Variants in ACTN2 observed in about 807,000 individuals in gnomAD.
The protein encoded by ACTN2 is alpha-actinin-2.
ACTN2 carries 39 observed loss-of-function variants against 113.8 expected under a neutral mutation model. That is an observed-to-expected ratio of 0.34 (90% CI 0.27 to 0.45). The LOEUF is 0.45. Ranked by LOEUF, ACTN2 falls within the 20% of genes least tolerant of loss-of-function variation. ACTN2 has a pLI of 1.00. For missense variants in ACTN2, 992 were observed against 1,177.9 expected (o/e 0.84, Z 2.31); for synonymous variants, 429 against 444.1 (o/e 0.97, Z 0.43).
intron 8 of ACTN2, chr1:236,736,526 A>G: frequency 1.5e-6 from 2 of 1,358,860 alleles, no homozygotes; most frequent in South Asian, 2.5e-5. Flanking sequence ...ATGACAGAGA[A>G]TTGTGTATTA....
At chr1:236,706,392 G>A (rs1657825154) in intron 1 of ACTN2, among the ~76,000 whole-genome samples, 1 of 152,144 alleles carries the variant, frequency 6.6e-6, no homozygotes, top group South Asian at 2.1e-4. Context: ...CTGCTTCTCT[G>A]TGTGTCACTT....
In ACTN2 at chr1:236,759,787, C is replaced by G; in HGVS notation, c.2365C>G (p.Leu789Val). ...RACLISMGYD[L>V]GEAEFARIMT... is the part of the protein sequence containing the mutation. ...CTGCCTGATTTCCATGGGTTATGAC[C>G]TGGTAAGACAGAAGTTGAAATTGTA... Residue 789 changes from leucine to valine, a missense_variant and splice_region_variant, in exon 19 of 21, where the codon CTG (leucine) becomes GTG (valine). Around this residue, in one of 3 missense-constraint regions of ACTN2, gnomAD observed 736 missense variants for 815.4 expected, o/e 0.90. Transcript: ENST00000366578. 1 of 1,612,504 alleles carries G rather than the reference C, an allele frequency of 6.2e-7. No individual in the cohort carries two copies. The highest frequency in any genetic ancestry group is 1.1e-5 in the South Asian group (1 of 91,042).
At chr1:236,688,592 A>G (rs182591724) in intron 1 of ACTN2, among the ~76,000 whole-genome samples, 161 of 152,360 alleles carry the variant, frequency 1.1e-3, no homozygotes, top group African/African-American at 3.2e-3. Context: ...TAAAAATAAC[A>G]TACTTCCTGA....
At chr1:236,690,449 G>A (rs1403156641) in intron 1 of ACTN2, among the ~76,000 whole-genome samples, 1 of 152,194 alleles carries the variant, frequency 6.6e-6, no homozygotes, top group African/African-American at 2.4e-5. Flanking sequence ...CAGATGAGTC[G>A]AAGCTCTGCC....
rs1240708380 is a variant in ACTN2 at position 236,751,622 on chromosome 1, C to T, written c.1809C>T (p.Thr603=). Reference sequence around the variant, plus strand: ...CAAGCAACCCGTACAGCACTGTCACCATGGATGAGCTCCGGACCAAGTGGG... The same window carrying T: ...CAAGCAACCCGTACAGCACTGTCACTATGGATGAGCTCCGGACCAAGTGGG... ...ISSSNPYSTV[T]MDELRTKWDK... is the part of the protein sequence containing the mutation. The change falls in exon 15 of 21, where the codon ACC becomes ACT. Residue 603 remains threonine (T), a synonymous_variant. Coordinates refer to ENST00000366578, the MANE Select transcript of ACTN2 (RefSeq NM_001103.4). 1.2e-6 allele frequency: 2 copies of T among 1,613,856 alleles called. No individual in the cohort carries two copies. Among genetic ancestry groups the T allele is most frequent in the African/African-American group, 1.3e-5 (1 of 74,904 alleles).
At chr1:236,737,010 C>T (rs1658897838) in intron 8 of ACTN2, 112 bp from the exon 9 acceptor site, 1 of 822,626 alleles carries the variant, frequency 1.2e-6, no homozygotes, top group Non-Finnish European at 2.0e-6. Context: ...AGACTCTGCA[C>T]CGTCTACAGC....
Position 236,686,608 on chromosome 1 carries a change from G to A in ACTN2, c.-66G>A, listed in dbSNP as rs1471004820. The A allele has an allele frequency of 1.3e-6, 2 of 1,490,990 alleles. No individual in the cohort carries two copies. The highest frequency in any genetic ancestry group is 2.6e-5 in the South Asian group (2 of 76,300). The allele number at this position is 1,490,990 out of a possible 1,614,324, so 92.4% of individuals were successfully genotyped here. A position where few individuals can be genotyped will look rare whatever the true frequency, so the allele number is the denominator to read the frequency against. ...CGCCGCCCGCCGCCTCCGTGGGTCCGTTTGCCAGTCAGCCCGTGCGTCCGA... is the reference window on the plus strand; with the variant it reads ...CGCCGCCCGCCGCCTCCGTGGGTCCATTTGCCAGTCAGCCCGTGCGTCCGA... On this transcript the variant is annotated 5_prime_UTR_variant, in exon 1 of 21. Transcript: ENST00000366578.
chr1:236,721,195 T>A (rs112967359), intron 4 of ACTN2, among the ~76,000 whole-genome samples: 5,674 of 151,240 alleles, frequency 0.038, 311 homozygotes, highest in African/African-American at 0.12. Flanking sequence ...GCTGGCTAAT[T>A]TTTCATATTT....
intron 1 of ACTN2, among the ~76,000 whole-genome samples, chr1:236,700,656 AG>A (rs1657646381): frequency 6.6e-6 from 1 of 152,154 alleles, no homozygotes; most frequent in African/African-American, 2.4e-5. Flanking sequence ...TTGAGACAGG[AG>A]GTGGGAACAA....
At chr1:236,732,814 C>T (rs1331496333) in intron 7 of ACTN2, among the ~76,000 whole-genome samples, 1 of 152,160 alleles carries the variant, frequency 6.6e-6, no homozygotes, top group African/African-American at 2.4e-5. Flanking sequence ...ATGACCACAT[C>T]CTCACTTGAT....
At chr1:236,688,593 T>C (rs1327888662) in intron 1 of ACTN2, among the ~76,000 whole-genome samples, 1 of 152,246 alleles carries the variant, frequency 6.6e-6, no homozygotes, top group Non-Finnish European at 1.5e-5. Context: ...AAAAATAACA[T>C]ACTTCCTGAT....
chr1:236,696,298 A>G (rs1657500180), intron 1 of ACTN2, among the ~76,000 whole-genome samples: 1 of 143,608 alleles, frequency 7.0e-6, no homozygotes, highest in Non-Finnish European at 1.5e-5. Flanking sequence ...AGCTTCGGTG[A>G]CAGAAGAAGA....
At chr1:236,743,084 AGTT>A (rs1246019945) in intron 11 of ACTN2, 41 bp downstream of exon 11, 1 of 1,611,658 alleles carries the variant, frequency 6.2e-7, no homozygotes, top group East Asian at 2.2e-5. Flanking sequence ...GAAAAACCAG[AGTT>A]GAGCCATGCC....
At chr1:236,723,429 T>C (rs1203893480) in intron 4 of ACTN2, among the ~76,000 whole-genome samples, 1 of 152,144 alleles carries the variant, frequency 6.6e-6, no homozygotes, top group African/African-American at 2.4e-5. Context: ...TCCAAGAAAG[T>C]ATGAACTAAA....
intron 12 of ACTN2, among the ~76,000 whole-genome samples, chr1:236,745,554 G>A (rs1301716942): frequency 1.3e-5 from 2 of 152,280 alleles, no homozygotes; most frequent in East Asian, 1.9e-4. Context: ...ACTTTCATGC[G>A]TTTGGTTTTA....
rs1572121844 is a variant in ACTN2 at position 236,727,714 on chromosome 1, C to A, written c.573C>A (p.His191Gln). The change falls in exon 6 of 21, where the codon CAC becomes CAA. Residue 191 changes from histidine to glutamine, a missense_variant. His to Gln is a conservative substitution (Grantham distance 24, BLOSUM62 0). Around this residue, in one of 3 missense-constraint regions of ACTN2, gnomAD observed 220 missense variants for 337.5 expected, o/e 0.65. Transcript: ENST00000366578. ...GCCTTGGACTCTGTGCCCTCATCCA[C>A]CGACACCGGCCTGACCTCATTGACT... is the stretch of plus-strand genomic sequence containing the variant. Reference protein sequence around the residue: ...KDGLGLCALIHRHRPDLIDYS... With the variant: ...KDGLGLCALIQRHRPDLIDYS... The A allele has an allele frequency of 6.2e-7, 1 of 1,614,198 alleles. No homozygotes were observed. The highest frequency in any genetic ancestry group is 1.1e-5 in the South Asian group (1 of 91,076).
intron 7 of ACTN2, among the ~76,000 whole-genome samples, chr1:236,732,695 G>A (rs1341495805): frequency 2.0e-5 from 3 of 151,962 alleles, no homozygotes; most frequent in East Asian, 1.9e-4. Flanking sequence ...CACCTACTTC[G>A]GCCTCCCAAA....
At position 236,686,672 on chromosome 1, in the gene ACTN2, C is replaced by T; in HGVS notation, c.-2C>T. ...CGCCGCAGCCCCGGCCAACCGAGCG[C>T]CATGAACCAGATAGAGCCCGGCGTG... is the stretch of plus-strand genomic sequence containing the variant. On this transcript the variant is annotated 5_prime_UTR_variant, in exon 1 of 21. Transcript: ENST00000366578. 2 of 1,557,618 alleles carry T rather than the reference C, an allele frequency of 1.3e-6. No homozygotes were observed. The highest frequency in any genetic ancestry group is 5.2e-5 in the East Asian group (2 of 38,486).
intron 6 of ACTN2, among the ~76,000 whole-genome samples, chr1:236,729,589 C>G (rs1658658623): frequency 6.6e-6 from 1 of 152,126 alleles, no homozygotes; most frequent in South Asian, 2.1e-4. Flanking sequence ...ACCTCCTGCC[C>G]CCAGCCTGCC....
Sources: allele counts gnomAD v4.1 joint callset (sites outside exome capture counted in the v4.1 genomes callset), GRCh38; gene constraint gnomAD v4.1.1; regional missense constraint gnomAD v4.1.1; transcripts MANE v1.5; gene names NCBI Gene and HGNC (gene_info 2026-07-23, HGNC 2026-07-21).